Variants in TMEM120B observed in about 807,000 individuals in gnomAD.
The protein encoded by TMEM120B is transmembrane protein 120B.
A neutral mutation model predicts 55.5 loss-of-function variants in TMEM120B; 31 were observed. The ratio of observed to expected loss-of-function variants is 0.56; its 90% CI spans 0.42 to 0.75. The LOEUF is 0.75. TMEM120B is among the 30% of genes least tolerant of loss of function. TMEM120B has a pLI of 0.00. For synonymous variants in TMEM120B, 203 were observed against 176.3 expected, an observed-to-expected ratio of 1.15 and a Z score of -1.20; for missense variants, 399 against 425.5, an observed-to-expected ratio of 0.94 and a Z score of 0.55.
Position 121,781,190 on chromosome 12 carries a change from G to A in TMEM120B, c.*5468G>A. ...GGCCGCAGCCGGTCATAGTCTTCTT[G>A]CCCTGAAAGCACAGAGCAGCGGGGG... On this transcript the variant is annotated 3_prime_UTR_variant, in exon 12 of 12. Transcript: ENST00000449592. The A allele has an allele frequency of 6.2e-7, 1 of 1,614,066 alleles. No homozygotes were observed. Among genetic ancestry groups the A allele is most frequent in the Non-Finnish European group, 8.5e-7 (1 of 1,179,922 alleles).
intron 6 of TMEM120B, 152 bp from the exon 7 acceptor site, chr12:121,770,755 G>A (rs7955827): frequency 0.014 from 9,762 of 702,728 alleles, 561 homozygotes; most frequent in African/African-American, 0.13. Flanking sequence ...GGACAGAGAG[G>A]AGGGCACGGT....
intron 5 of TMEM120B, among the ~76,000 whole-genome samples, chr12:121,757,031 C>T (rs1399965658): frequency 6.6e-6 from 1 of 151,956 alleles, no homozygotes; most frequent in Non-Finnish European, 1.5e-5. Flanking sequence ...TCGGCAGCAC[C>T]AGAGAGCGTC....
intron 1 of TMEM120B, among the ~76,000 whole-genome samples, chr12:121,714,449 G>A (rs1481859171): frequency 6.6e-6 from 1 of 150,814 alleles, no homozygotes; most frequent in Non-Finnish European, 1.5e-5. Context: ...TAGAGATAGG[G>A]TTTCACTATG....
chr12:121,719,050 A>G (rs1162550235), intron 1 of TMEM120B, among the ~76,000 whole-genome samples: 5 of 152,112 alleles, frequency 3.3e-5, no homozygotes, highest in African/African-American at 1.2e-4. Flanking sequence ...CAAGCGTCCC[A>G]GGGCTGACTC....
Position 121,752,112 on chromosome 12 carries a change from G to C in TMEM120B, c.366-16G>C, listed in dbSNP as rs550033474. On this transcript the variant is annotated splice_polypyrimidine_tract_variant and intron_variant, in intron 4 of 11. Coordinates refer to ENST00000449592, the MANE Select transcript of TMEM120B (RefSeq NM_001080825.2). ...CATGGTAAGGGGCACACCCCTGGGC[G>C]TGTCTGTCGTGGCAGGTTCGCCTAC... The C allele has an allele frequency of 6.2e-7, 1 of 1,610,478 alleles. No homozygotes were observed. The highest frequency in any genetic ancestry group is 2.2e-5 in the East Asian group (1 of 44,864).
intron 2 of TMEM120B, among the ~76,000 whole-genome samples, chr12:121,744,538 C>T (rs968871900): frequency 6.6e-6 from 1 of 152,218 alleles, no homozygotes; most frequent in Non-Finnish European, 1.5e-5. Flanking sequence ...GGCCACTAGG[C>T]TGCCATCCCT....
chr12:121,776,138 G>A lies in TMEM120B; in HGVS notation c.*416G>A. 4.6e-6 allele frequency: 2 copies of A among 437,546 alleles called. No individual in the cohort carries two copies. Among genetic ancestry groups the A allele is most frequent in the Admixed American group, 8.5e-5 (2 of 23,644 alleles). The allele number at this position is 437,546 out of a possible 1,614,324, so 27.1% of individuals were successfully genotyped here. ...CTTACCAGGCCCAGGCTGGGGTGGTGTGAACCCTCAGTGTCCTGTGGCGCC... is the reference window on the plus strand; with the variant it reads ...CTTACCAGGCCCAGGCTGGGGTGGTATGAACCCTCAGTGTCCTGTGGCGCC... On this transcript the variant is annotated 3_prime_UTR_variant, in exon 12 of 12. Transcript: ENST00000449592.
chr12:121,754,430 A>G (rs552461932), intron 5 of TMEM120B, among the ~76,000 whole-genome samples: 1 of 152,270 alleles, frequency 6.6e-6, no homozygotes, highest in South Asian at 2.1e-4. Context: ...ACTAAGTACC[A>G]TAGACTGGGG....
Position 121,779,681 on chromosome 12 carries a change from C to T in TMEM120B, c.*3959C>T, listed in dbSNP as rs756150809. 9.9e-6 allele frequency: 16 copies of T among 1,613,010 alleles called. No homozygotes were observed. The highest frequency in any genetic ancestry group is 1.4e-5 in the Non-Finnish European group (16 of 1,179,592). On this transcript the variant is annotated 3_prime_UTR_variant, in exon 12 of 12. Coordinates refer to ENST00000449592, the MANE Select transcript of TMEM120B (RefSeq NM_001080825.2). ...TCAGGCCCTGGGTGGGGGGAGGAGC[C>T]AGCATTAGGTGAGGGGCCCCTGGAG...
chr12:121,732,508 A>G (rs1405901246), intron 1 of TMEM120B, among the ~76,000 whole-genome samples: 1 of 152,182 alleles, frequency 6.6e-6, no homozygotes, highest in African/African-American at 2.4e-5. Context: ...GGGAAGGCCC[A>G]CGGATTAACC....
chr12:121,756,041 A>G (rs7962350), intron 5 of TMEM120B, among the ~76,000 whole-genome samples: 19,630 of 152,070 alleles, frequency 0.13, 2,021 homozygotes, highest in African/African-American at 0.28. Flanking sequence ...AGTGTCCAAG[A>G]ATCCAGAGCG....
intron 1 of TMEM120B, among the ~76,000 whole-genome samples, chr12:121,720,317 C>A (rs116533190): frequency 0.01 from 1,590 of 152,256 alleles, 26 homozygotes; most frequent in African/African-American, 0.036. Flanking sequence ...ACACGTTAGG[C>A]GAAGTCATCC....
At chr12:121,717,814 C>A (rs1293498073) in intron 1 of TMEM120B, among the ~76,000 whole-genome samples, 2 of 152,140 alleles carry the variant, frequency 1.3e-5, no homozygotes, top group African/African-American at 2.4e-5. Context: ...TGTGCCACCA[C>A]TCCTGGCTAA....
intron 9 of TMEM120B, among the ~76,000 whole-genome samples, 162 bp downstream of exon 9, chr12:121,773,675 C>G (rs1248733135): frequency 6.6e-6 from 1 of 152,180 alleles, no homozygotes; most frequent in African/African-American, 2.4e-5. Context: ...GTTTCAGCTG[C>G]CAAGTGCCAG....
chr12:121,737,398 G>A (rs556257493), intron 1 of TMEM120B, among the ~76,000 whole-genome samples: 5 of 151,992 alleles, frequency 3.3e-5, no homozygotes, highest in East Asian at 1.9e-4. Context: ...TCAGCTACTC[G>A]GGAGGCTGAG....
At chr12:121,754,853 G>A (rs1376011243) in intron 5 of TMEM120B, among the ~76,000 whole-genome samples, 1 of 152,190 alleles carries the variant, frequency 6.6e-6, no homozygotes, top group Non-Finnish European at 1.5e-5. Flanking sequence ...GAGGGGGATT[G>A]GACGGGCCGT....
In TMEM120B at chr12:121,712,782, A is replaced by C; in HGVS notation, c.-114A>C. On this transcript the variant is annotated 5_prime_UTR_variant, in exon 1 of 12. Coordinates refer to ENST00000449592, the MANE Select transcript of TMEM120B (RefSeq NM_001080825.2). ...CGCGCGTGGCTCTGGCTGCGCAGGA[A>C]CAGCTGGTGCCTCCGAGGGCGGTCG... The C allele has an allele frequency of 3.0e-6, 2 of 662,040 alleles. No homozygotes were observed. The highest frequency in any genetic ancestry group is 4.3e-6 in the Non-Finnish European group (2 of 470,342). 41.0% of individuals were successfully genotyped at this position (662,040 alleles called of 1,614,324 possible). A position where few individuals can be genotyped will look rare whatever the true frequency, so the allele number is the denominator to read the frequency against.
chr12:121,737,783 G>A (rs1319978993), intron 1 of TMEM120B, among the ~76,000 whole-genome samples: 1 of 152,094 alleles, frequency 6.6e-6, no homozygotes, highest in Non-Finnish European at 1.5e-5. Flanking sequence ...GCCAAAGTGG[G>A]CGCATCACTT....
At chr12:121,766,537 C>T (rs1873856949) in intron 6 of TMEM120B, among the ~76,000 whole-genome samples, 1 of 152,182 alleles carries the variant, frequency 6.6e-6, no homozygotes, top group South Asian at 2.1e-4. Flanking sequence ...CCTCCCTCCA[C>T]CCCAGTTGGA....
Sources: gnomAD v4.1 joint callset for allele counts (sites outside exome capture counted in the v4.1 genomes callset) on GRCh38, gnomAD v4.1.1 for gene constraint, MANE v1.5 for transcripts, NCBI Gene and HGNC (gene_info 2026-07-23, HGNC 2026-07-21) for gene names.